Variants in POU6F2 observed in about 807,000 individuals in gnomAD.
POU6F2 encodes the protein POU class 6 homeobox 2.
Under a neutral mutation model 71.3 loss-of-function variants are expected in POU6F2, and 31 were observed. The ratio of observed to expected loss-of-function variants is 0.43; its 90% confidence interval spans 0.33 to 0.59. The LOEUF is 0.59. Among genes scored for constraint, POU6F2 ranks in the 20% least tolerant of loss-of-function variants. POU6F2 has a pLI of 0.04. For missense variants in POU6F2, 783 were observed against 856.8 expected, an observed-to-expected ratio of 0.91 and a Z score of 1.07; for synonymous variants, 347 against 355.7, an observed-to-expected ratio of 0.98 and a Z score of 0.27.
At chr7:39,339,518 C>A in intron 4 of POU6F2, 124 bp from the exon 5 acceptor site, 1 of 1,340,300 alleles carries the variant, frequency 7.5e-7, no homozygotes, top group Non-Finnish European at 9.9e-7. Context: ...CAAAGAGCTT[C>A]AGGGGGCAAG....
chr7:39,242,592 G>A (rs957776307), intron 4 of POU6F2, among the ~76,000 whole-genome samples: 5 of 151,976 alleles, frequency 3.3e-5, no homozygotes, highest in Non-Finnish European at 5.9e-5. Flanking sequence ...AAAGACAAAC[G>A]TGGGCTGGAA....
At chr7:39,294,306 T>TA (rs950775728) in intron 4 of POU6F2, among the ~76,000 whole-genome samples, 8 of 150,146 alleles carry the variant, frequency 5.3e-5, no homozygotes, top group Admixed American at 4.6e-4. Flanking sequence ...TGTCTAACAA[T>TA]AGTATTAGGT....
chr7:39,408,279 T>C lies in POU6F2; in HGVS notation c.1113+1539T>C, dbSNP rs986597492. On this transcript the variant is annotated intron_variant, in intron 6 of 9. Transcript: ENST00000518318. ...TCCACCGACAGATATTTCCTTCTGA[T>C]TTTTTTGTTCCTACATCTAAGTAAA... Among the ~76,000 whole-genome samples, 7 of 152,340 alleles carry C rather than the reference T, an allele frequency of 4.6e-5. No homozygotes were observed. The East Asian group carries it at 1.2e-3, about 25-fold the overall frequency.
rs1788667259 is a variant in POU6F2, at chr7:39,451,715, C to G, written c.1489+14C>G. The G allele has an allele frequency of 1.3e-6, 2 of 1,566,016 alleles. No homozygotes were observed. The highest frequency in any genetic ancestry group is 1.7e-6 in the Non-Finnish European group (2 of 1,154,300). On this transcript the variant is annotated intron_variant, in intron 8 of 9. Transcript: ENST00000518318. ...AGTTAGTCAGCAGTAAGTATCCTTT[C>G]TGGCTCGGTTTAAATCGTGGTGGCC...
intron 6 of POU6F2, among the ~76,000 whole-genome samples, chr7:39,415,168 C>T (rs1305994179): frequency 6.6e-6 from 1 of 152,040 alleles, no homozygotes; most frequent in Non-Finnish European, 1.5e-5. Context: ...GGATTACAGG[C>T]GCACACCACC....
At chr7:39,021,778 G>A (rs974617768) in intron 1 of POU6F2, among the ~76,000 whole-genome samples, 1 of 151,900 alleles carries the variant, frequency 6.6e-6, no homozygotes, top group African/African-American at 2.4e-5. Flanking sequence ...TGATTTACAT[G>A]GGAATAAAAT....
intron 2 of POU6F2, among the ~76,000 whole-genome samples, chr7:39,174,137 G>A (rs1202559559): frequency 6.6e-6 from 1 of 152,226 alleles, no homozygotes; most frequent in Non-Finnish European, 1.5e-5. Context: ...CACCCTGGAG[G>A]TGGGTTGGAT....
At chr7:39,284,111 C>A (rs1341075553) in intron 4 of POU6F2, among the ~76,000 whole-genome samples, 2 of 152,162 alleles carry the variant, frequency 1.3e-5, no homozygotes, top group Admixed American at 6.5e-5. Context: ...GGCTGGAAAT[C>A]CCTTTGCAAA....
intron 1 of POU6F2, among the ~76,000 whole-genome samples, chr7:39,080,989 T>G (rs1206513262): frequency 6.6e-6 from 1 of 152,216 alleles, no homozygotes; most frequent in African/African-American, 2.4e-5. Context: ...GAATTCTCCT[T>G]CTTAATACAG....
At chr7:39,204,551 A>G in intron 3 of POU6F2, among the ~76,000 whole-genome samples, 1 of 137,806 alleles carries the variant, frequency 7.3e-6, no homozygotes, top group South Asian at 2.8e-4. Context: ...GGTTGGCTTT[A>G]ATCATGTGGA....
At chr7:39,098,468 G>T (rs551033066) in intron 2 of POU6F2, among the ~76,000 whole-genome samples, 2 of 151,560 alleles carry the variant, frequency 1.3e-5, no homozygotes, top group Admixed American at 6.6e-5. Context: ...TGCAAGAGAG[G>T]GGGGGTCTCA....
chr7:39,100,205 T>C (rs1479039291), intron 2 of POU6F2, among the ~76,000 whole-genome samples: 1 of 152,366 alleles, frequency 6.6e-6, no homozygotes, highest in East Asian at 1.9e-4. Flanking sequence ...CCTTTTCATA[T>C]ATTTTTCAAA....
rs541479751 is a variant in POU6F2, at chr7:39,350,874, G to A, written c.972+10859G>A. 1.6e-4 allele frequency among the ~76,000 whole-genome samples: 24 copies of A among 152,294 alleles called. No individual in the cohort carries two copies. In the East Asian group the frequency reaches 3.3e-3, roughly 21 times the overall value. ...TTCAAACAGCTGAGACCACGCCTGCGCTCCTACAGCCATATTTTGTTCAAT... is the reference window on the plus strand; with the variant it reads ...TTCAAACAGCTGAGACCACGCCTGCACTCCTACAGCCATATTTTGTTCAAT... On this transcript the variant is annotated intron_variant, in intron 5 of 9. Transcript: ENST00000518318.
chr7:39,036,927 G>T (rs975426309), intron 1 of POU6F2, among the ~76,000 whole-genome samples: 1 of 151,336 alleles, frequency 6.6e-6, no homozygotes, highest in Admixed American at 6.6e-5. Flanking sequence ...AGGTTCAAGG[G>T]TACATGTGCA....
chr7:39,004,653 C>T (rs946234904), intron 1 of POU6F2, among the ~76,000 whole-genome samples: 1 of 152,146 alleles, frequency 6.6e-6, no homozygotes, highest in Admixed American at 6.5e-5. Context: ...ACAGTTTAAC[C>T]TGGAAAGTTG....
intron 7 of POU6F2, among the ~76,000 whole-genome samples, chr7:39,451,267 A>T (rs7797301): frequency 0.33 from 49,938 of 151,670 alleles, 9,080 homozygotes; most frequent in East Asian, 0.58. Flanking sequence ...CGAGAAATGT[A>T]GAAAATTGGG....
At chr7:39,280,525 A>G (rs960071013) in intron 4 of POU6F2, among the ~76,000 whole-genome samples, 1 of 152,240 alleles carries the variant, frequency 6.6e-6, no homozygotes, top group Non-Finnish European at 1.5e-5. Context: ...ATTGCTTTCG[A>G]AAATTGCTGA....
intron 3 of POU6F2, among the ~76,000 whole-genome samples, chr7:39,207,080 G>A (rs1383139325): frequency 6.6e-6 from 1 of 152,200 alleles, no homozygotes; most frequent in Non-Finnish European, 1.5e-5. Context: ...TTAGCTGAGA[G>A]CTTCAAATAT....
chr7:39,340,399 T>G (rs1220264161), intron 5 of POU6F2, among the ~76,000 whole-genome samples: 2 of 152,234 alleles, frequency 1.3e-5, no homozygotes, highest in Admixed American at 1.3e-4. Context: ...GAACTGCATC[T>G]ACTGTCCATG....
Sources: gnomAD v4.1 joint callset for allele counts (sites outside exome capture counted in the v4.1 genomes callset) on GRCh38, gnomAD v4.1.1 for gene constraint, MANE v1.5 for transcripts, NCBI Gene and HGNC (gene_info 2026-07-23, HGNC 2026-07-21) for gene names.